TRAPPC9: variants seen among roughly 807,000 people sequenced by gnomAD.
The protein encoded by TRAPPC9 is trafficking protein particle complex subunit 9, also known as IKK2 binding protein.
Under a neutral mutation model 124.0 loss-of-function variants are expected in TRAPPC9, and 83 were observed. The observed-to-expected ratio is 0.67, with a 90% CI of 0.56 to 0.80. The LOEUF (loss-of-function observed/expected upper bound fraction) is 0.80. Ranked by LOEUF, TRAPPC9 falls within the 30% of genes least tolerant of loss-of-function variation. The pLI is 0.00. For synonymous variants in TRAPPC9, 638 were observed against 617.5 expected (o/e 1.03, Z -0.49); for missense variants, 1,302 against 1,508.3 (o/e 0.86, Z 2.27).
At chr8:139,851,868 C>G (rs144104653) in intron 21 of TRAPPC9, among the ~76,000 whole-genome samples, 1 of 152,076 alleles carries the variant, frequency 6.6e-6, no homozygotes, top group African/African-American at 2.4e-5. Context: ...CTGTGAGGGG[C>G]AGGTGGAGAA....
At chr8:139,905,503 G>A (rs1282109101) in intron 20 of TRAPPC9, among the ~76,000 whole-genome samples, 1 of 152,164 alleles carries the variant, frequency 6.6e-6, no homozygotes, top group Non-Finnish European at 1.5e-5. Context: ...GTGCAGCTCC[G>A]GGGAAGCAGA....
chr8:140,304,736 A>ACT (rs754511916), intron 10 of TRAPPC9, among the ~76,000 whole-genome samples: 2 of 151,914 alleles, frequency 1.3e-5, no homozygotes, highest in Non-Finnish European at 2.9e-5. Flanking sequence ...TGAGAACATA[A>ACT]CTCTGGATTC....
At chr8:140,206,987 C>T (rs2062937168) in intron 17 of TRAPPC9, among the ~76,000 whole-genome samples, 1 of 152,182 alleles carries the variant, frequency 6.6e-6, no homozygotes, top group South Asian at 2.1e-4. Context: ...CTTCACGGAG[C>T]TTGAAGTCTA....
intron 17 of TRAPPC9, among the ~76,000 whole-genome samples, chr8:140,142,494 G>T (rs1587797765): frequency 6.6e-6 from 1 of 152,236 alleles, no homozygotes; most frequent in East Asian, 1.9e-4. Context: ...TGCTCACTGG[G>T]AAGGCTGCTC....
chr8:140,347,323 G>C (rs549235644), intron 9 of TRAPPC9, among the ~76,000 whole-genome samples: 1 of 152,158 alleles, frequency 6.6e-6, no homozygotes, highest in Admixed American at 6.5e-5. Flanking sequence ...ACACCGAAAC[G>C]ATGCTTCACA....
At chr8:140,200,475 A>C (rs1206134907) in intron 17 of TRAPPC9, among the ~76,000 whole-genome samples, 1 of 152,102 alleles carries the variant, frequency 6.6e-6, no homozygotes, top group African/African-American at 2.4e-5. Flanking sequence ...CCAATGGAGA[A>C]ACCTGGCAAA....
rs1185448641 is a variant in TRAPPC9 at position 139,803,278 on chromosome 8, C to A, written c.3056-71076G>T. ...TCACAGGCTCTCATCAGGCTCACAG[C>A]CTCTCAGGAAGGCAACGTCCGTTGG... On this transcript the variant is annotated intron_variant, in intron 21 of 22. Coordinates refer to ENST00000438773, the MANE Select transcript of TRAPPC9 (RefSeq NM_001160372.4). Among the ~76,000 whole-genome samples the A allele has an allele frequency of 3.3e-5, 5 of 152,330 alleles. No individual in the cohort carries two copies. The East Asian group carries it at 9.6e-4, about 29-fold the overall frequency.
intron 17 of TRAPPC9, among the ~76,000 whole-genome samples, chr8:140,030,759 A>C (rs149509826): frequency 1.2e-4 from 18 of 152,342 alleles, no homozygotes; most frequent in African/African-American, 3.8e-4. Context: ...CCAGACACAC[A>C]AGAGTGCATA....
chr8:139,735,737 C>T (rs1818119310), intron 21 of TRAPPC9, among the ~76,000 whole-genome samples: 2 of 151,818 alleles, frequency 1.3e-5, no homozygotes, highest in Admixed American at 1.3e-4. Flanking sequence ...GGTCTGTGGG[C>T]TCCTGGGCAG....
At chr8:139,745,184 C>T (rs1306081674) in intron 21 of TRAPPC9, among the ~76,000 whole-genome samples, 1 of 152,248 alleles carries the variant, frequency 6.6e-6, no homozygotes, top group African/African-American at 2.4e-5. Context: ...CATGGACACC[C>T]TCCACGGATA....
intron 10 of TRAPPC9, among the ~76,000 whole-genome samples, chr8:140,302,171 A>T (rs137860221): frequency 0.014 from 2,090 of 152,188 alleles, 21 homozygotes; most frequent in Admixed American, 0.018. Context: ...AATCCCCACC[A>T]CAGACCCACA....
Position 140,336,843 on chromosome 8 carries a change from A to C in TRAPPC9, c.1495+23207T>G, listed in dbSNP as rs1381144677. Among the ~76,000 whole-genome samples, 3 of 152,228 alleles carry C rather than the reference A, an allele frequency of 2.0e-5. No individual in the cohort carries two copies. The East Asian group carries it at 5.8e-4, about 29-fold the overall frequency. On this transcript the variant is annotated intron_variant, in intron 9 of 22. Transcript: ENST00000438773. ...CAGGGCCGTGACGATGGAAGGAAGA[A>C]GACGAATTCCACATGTGATAAACTC...
chr8:140,034,639 CA>C lies in TRAPPC9; in HGVS notation c.2557-10561del, dbSNP rs145029019. On this transcript the variant is annotated intron_variant, in intron 17 of 22. Transcript: ENST00000438773. ...TAACTGAATGACAGCATCTTCACAA[CA>C]AATCTCAGAGAAAGGAGAAAGCTGA... 3.2e-4 allele frequency among the ~76,000 whole-genome samples: 48 copies of C among 152,360 alleles called. No individual in the cohort carries two copies. The East Asian group carries it at 4.8e-3, about 15-fold the overall frequency.
intron 5 of TRAPPC9, among the ~76,000 whole-genome samples, chr8:140,420,503 G>C (rs2070164023): frequency 6.6e-6 from 1 of 152,022 alleles, no homozygotes; most frequent in Non-Finnish European, 1.5e-5. Flanking sequence ...GGAGGTATGG[G>C]TAATTTTTAA....
intron 21 of TRAPPC9, among the ~76,000 whole-genome samples, chr8:139,830,981 C>T (rs1825954235): frequency 6.6e-6 from 1 of 152,266 alleles, no homozygotes; most frequent in African/African-American, 2.4e-5. Context: ...TTACCCTGCA[C>T]ACAGCCTGTG....
At chr8:139,939,843 G>T (rs1163099439) in intron 19 of TRAPPC9, among the ~76,000 whole-genome samples, 2 of 152,336 alleles carry the variant, frequency 1.3e-5, no homozygotes, top group Middle Eastern at 3.4e-3. Flanking sequence ...GGCCCAGGAA[G>T]AGAGGGAGGC....
At chr8:140,176,113 A>G (rs1455598476) in intron 17 of TRAPPC9, among the ~76,000 whole-genome samples, 1 of 152,256 alleles carries the variant, frequency 6.6e-6, no homozygotes, top group African/African-American at 2.4e-5. Context: ...AGAGGTAAGG[A>G]AAGACAGTCA....
At chr8:139,895,176 G>A (rs138119989) in intron 20 of TRAPPC9, among the ~76,000 whole-genome samples, 5 of 152,304 alleles carry the variant, frequency 3.3e-5, no homozygotes, top group East Asian at 1.9e-4. Flanking sequence ...TCAAGAGCCC[G>A]TCTGCCAGAC....
intron 2 of TRAPPC9, among the ~76,000 whole-genome samples, chr8:140,441,051 T>C (rs1184173093): frequency 1.4e-5 from 2 of 141,672 alleles, no homozygotes; most frequent in Non-Finnish European, 3.0e-5. Context: ...CAATCACAGC[T>C]CACTGCAACC....
Sources: gnomAD v4.1 joint callset for allele counts (sites outside exome capture counted in the v4.1 genomes callset) on GRCh38, gnomAD v4.1.1 for gene constraint, MANE v1.5 for transcripts, NCBI Gene and HGNC (gene_info 2026-07-23, HGNC 2026-07-21) for gene names.